LRMDA: variants seen among roughly 807,000 people sequenced by gnomAD.
LRMDA encodes the protein leucine-rich melanocyte differentiation-associated protein.
Under a neutral mutation model 29.8 loss-of-function variants are expected in LRMDA, and 18 were observed. That is an observed-to-expected ratio of 0.60 (90% CI 0.42 to 0.90). The LOEUF (loss-of-function observed/expected upper bound fraction) is 0.90. Among genes scored for constraint, LRMDA ranks in the 40% least tolerant of loss-of-function variants. The pLI is 0.00. For missense variants in LRMDA, 273 were observed against 273.9 expected, an observed-to-expected ratio of 1.00 and a Z score of 0.02; for synonymous variants, 125 against 109.4, an observed-to-expected ratio of 1.14 and a Z score of -0.89.
intron 4 of LRMDA, among the ~76,000 whole-genome samples, chr10:76,050,446 T>G (rs952811496): frequency 6.6e-6 from 1 of 152,220 alleles, no homozygotes; most frequent in African/African-American, 2.4e-5. Context: ...CTGGCCCCAC[T>G]GGGGCAGGAG....
At chr10:76,448,034 T>C (rs894008362) in intron 6 of LRMDA, among the ~76,000 whole-genome samples, 2 of 152,198 alleles carry the variant, frequency 1.3e-5, no homozygotes, top group African/African-American at 4.8e-5. Flanking sequence ...TAGAAATCTT[T>C]TACATTTATT....
intron 6 of LRMDA, among the ~76,000 whole-genome samples, chr10:76,461,419 G>A (rs1842510644): frequency 6.6e-6 from 1 of 152,186 alleles, no homozygotes; most frequent in Non-Finnish European, 1.5e-5. Flanking sequence ...TATGAGCACT[G>A]AGATTTCCAC....
chr10:75,868,832 C>T (rs1275828218), intron 2 of LRMDA, among the ~76,000 whole-genome samples: 1 of 152,162 alleles, frequency 6.6e-6, no homozygotes, highest in East Asian at 1.9e-4. Flanking sequence ...GCCGTCTCAC[C>T]CAGGATTTCT....
chr10:76,173,152 G>C (rs1204632673), intron 5 of LRMDA, among the ~76,000 whole-genome samples: 1 of 152,134 alleles, frequency 6.6e-6, no homozygotes. Flanking sequence ...GGAATTAGTG[G>C]AAGATTAGAC....
At chr10:75,512,941 T>C (rs1160637497) in intron 2 of LRMDA, among the ~76,000 whole-genome samples, 1 of 152,204 alleles carries the variant, frequency 6.6e-6, no homozygotes, top group Non-Finnish European at 1.5e-5. Flanking sequence ...GGCCATTACA[T>C]AGCCAAGTTT....
At chr10:75,515,234 T>A (rs1589165936) in intron 2 of LRMDA, among the ~76,000 whole-genome samples, 3 of 151,716 alleles carry the variant, frequency 2.0e-5, no homozygotes, top group Non-Finnish European at 1.5e-5. Flanking sequence ...TGGTGGGGAG[T>A]AGGGAATGAA....
chr10:76,132,574 G>A (rs1850012375), intron 5 of LRMDA, among the ~76,000 whole-genome samples: 1 of 152,142 alleles, frequency 6.6e-6, no homozygotes, highest in South Asian at 2.1e-4. Flanking sequence ...GGCAGATGTG[G>A]TAATTTTCCA....
intron 2 of LRMDA, among the ~76,000 whole-genome samples, chr10:75,578,976 A>G (rs1840549204): frequency 6.6e-6 from 1 of 152,204 alleles, no homozygotes. Flanking sequence ...AAGATCTAAA[A>G]TTGACACCCT....
At position 76,524,095 on chromosome 10, in the gene LRMDA, T is replaced by G. The variant is rs552486118; in HGVS notation, c.602-33114T>G. ...GTTGAAAACATGCAGGCACTGCAGT[T>G]GTTTGGATGTAATAAACATCAGAGG... is the stretch of plus-strand genomic sequence containing the variant. On this transcript the variant is annotated intron_variant, in intron 6 of 6. Transcript: ENST00000611255. Among the ~76,000 whole-genome samples the G allele has an allele frequency of 1.4e-4, 21 of 152,366 alleles. No homozygotes were observed. The South Asian group carries it at 3.9e-3, about 29-fold the overall frequency.
intron 2 of LRMDA, among the ~76,000 whole-genome samples, chr10:75,884,361 T>A (rs920417786): frequency 6.6e-6 from 1 of 151,504 alleles, no homozygotes; most frequent in African/African-American, 2.4e-5. Flanking sequence ...TAAACTGAAG[T>A]AGGATCCCAT....
At chr10:76,218,525 C>G (rs1466778401) in intron 5 of LRMDA, among the ~76,000 whole-genome samples, 2 of 152,188 alleles carry the variant, frequency 1.3e-5, no homozygotes, top group African/African-American at 4.8e-5. Flanking sequence ...AACTCTCCCC[C>G]AGGCATGGAG....
At chr10:76,554,719 A>G (rs1489541617) in intron 6 of LRMDA, among the ~76,000 whole-genome samples, 2 of 152,210 alleles carry the variant, frequency 1.3e-5, no homozygotes, top group East Asian at 3.9e-4. Flanking sequence ...AGGAGCATCC[A>G]GCCTGTTTCT....
At chr10:75,737,329 A>C (rs1055305958) in intron 2 of LRMDA, among the ~76,000 whole-genome samples, 2 of 152,216 alleles carry the variant, frequency 1.3e-5, no homozygotes, top group African/African-American at 4.8e-5. Context: ...AGAAATAATT[A>C]GCTGAAAGTT....
intron 2 of LRMDA, among the ~76,000 whole-genome samples, chr10:75,964,145 C>T (rs926133047): frequency 2.0e-5 from 3 of 152,112 alleles, no homozygotes; most frequent in South Asian, 2.1e-4. Flanking sequence ...AGAAGGAATG[C>T]GTTACAAATA....
At chr10:76,227,551 C>T (rs1373042396) in intron 5 of LRMDA, among the ~76,000 whole-genome samples, 1 of 152,154 alleles carries the variant, frequency 6.6e-6, no homozygotes, top group Non-Finnish European at 1.5e-5. Context: ...TCCCAAGGCC[C>T]TGATAGTTTT....
At chr10:75,471,303 C>CTT (rs71024546) in intron 2 of LRMDA, among the ~76,000 whole-genome samples, 2 of 146,714 alleles carry the variant, frequency 1.4e-5, no homozygotes, top group Admixed American at 6.8e-5. Context: ...AAAAGCTTAC[C>CTT]TTTTTTTTTT....
rs375703009 is a variant in LRMDA, at chr10:75,765,769, C to A, written c.132-270239C>A. Among the ~76,000 whole-genome samples the A allele has an allele frequency of 4.7e-4, 71 of 149,788 alleles. No individual in the cohort carries two copies. The South Asian group carries it at 0.015, about 32-fold the overall frequency. ...GAAAAGGAGCCACCTTCGCCTCTTC[C>A]CCCACCCCCGTCCCACTTCCCCACT... On this transcript the variant is annotated intron_variant, in intron 2 of 6. Coordinates refer to ENST00000611255, the MANE Select transcript of LRMDA (RefSeq NM_001305581.2).
chr10:76,323,730 G>A (rs1438734305), intron 5 of LRMDA, among the ~76,000 whole-genome samples: 1 of 152,158 alleles, frequency 6.6e-6, no homozygotes, highest in Non-Finnish European at 1.5e-5. Flanking sequence ...TGGTTAAAGA[G>A]TTGTCTGCGT....
chr10:75,680,310 A>G (rs1355287876), intron 2 of LRMDA, among the ~76,000 whole-genome samples: 1 of 152,238 alleles, frequency 6.6e-6, no homozygotes, highest in Non-Finnish European at 1.5e-5. Context: ...ATTCTGGGAC[A>G]GAAGAATGTA....
Sources: allele counts gnomAD v4.1 joint callset (sites outside exome capture counted in the v4.1 genomes callset), GRCh38; gene constraint gnomAD v4.1.1; transcripts MANE v1.5; gene names NCBI Gene and HGNC (gene_info 2026-07-23, HGNC 2026-07-21).